Variants in KLHL6 observed in about 807,000 individuals in gnomAD.
KLHL6 encodes the protein kelch-like protein 6.
KLHL6 carries 41 observed loss-of-function variants against 58.6 expected under a neutral mutation model. The observed-to-expected ratio is 0.70, with a 90% CI of 0.55 to 0.91. KLHL6 has a LOEUF of 0.91. KLHL6 is among the 40% of genes least tolerant of loss of function. The probability of loss-of-function intolerance (pLI) is 0.00; values close to 1 mark genes in which losing one functional copy is unlikely to be tolerated. For synonymous variants in KLHL6, 338 were observed against 322.7 expected (o/e 1.05, Z -0.51); for missense variants, 714 against 805.6 (o/e 0.89, Z 1.38).
In KLHL6 at chr3:183,488,290, G is replaced by C. The variant is rs1717454074; in HGVS notation, c.*3637C>G. 6.6e-6 allele frequency: 1 copy of C among 152,236 alleles called. No homozygotes were observed. Among genetic ancestry groups the C allele is most frequent in the South Asian group, 2.1e-4 (1 of 4,834 alleles). The allele number at this position is 152,236 out of a possible 1,614,324, so 9.4% of individuals were successfully genotyped here. A position where few individuals can be genotyped will look rare whatever the true frequency, so the allele number is the denominator to read the frequency against. On this transcript the variant is annotated 3_prime_UTR_variant, in exon 7 of 7. Transcript: ENST00000341319. ...AGGAGACCCAGCTGAGCAGCTCAGA[G>C]GCCCCACAGTAAGTTGGCCCAAATG...
chr3:183,505,271 G>T (rs767529289), intron 3 of KLHL6, among the ~76,000 whole-genome samples: 4 of 152,170 alleles, frequency 2.6e-5, no homozygotes, highest in Non-Finnish European at 4.4e-5. Context: ...GCAGTACCTG[G>T]GTAAGACACA....
intron 2 of KLHL6, chr3:183,521,692 ATTTTTTT>A (rs10556149): frequency 1.7e-4 from 22 of 130,566 alleles, no homozygotes; most frequent in Non-Finnish European, 2.8e-4. Context: ...GACCTACCTG[ATTTTTTT>A]TTTTTTTTTT....
intron 1 of KLHL6, among the ~76,000 whole-genome samples, chr3:183,528,871 G>A (rs568170183): frequency 5.3e-5 from 8 of 152,120 alleles, no homozygotes; most frequent in African/African-American, 1.2e-4. Flanking sequence ...AGCACTATTC[G>A]CAATAGCAAA....
At chr3:183,507,973 GA>G (rs1405259113) in intron 3 of KLHL6, 85 bp downstream of exon 3, 6 of 1,218,936 alleles carry the variant, frequency 4.9e-6, no homozygotes, top group Non-Finnish European at 5.8e-6. Flanking sequence ...AAGGATTTTT[GA>G]ATCCGCTTTG....
intron 1 of KLHL6, among the ~76,000 whole-genome samples, chr3:183,546,679 G>A (rs1381528019): frequency 6.6e-6 from 1 of 152,152 alleles, no homozygotes; most frequent in Non-Finnish European, 1.5e-5. Flanking sequence ...CTGTTTCTCA[G>A]AACCAAGAAA....
In KLHL6 at chr3:183,489,150, C is replaced by T. The variant is rs1326934938; in HGVS notation, c.*2777G>A. Reference sequence around the variant, plus strand: ...ATGGGTCTTATCAAAGGACCGCCATCCCCTCCCTGACTAGGGGCGCTGTCT... The same window carrying T: ...ATGGGTCTTATCAAAGGACCGCCATTCCCTCCCTGACTAGGGGCGCTGTCT... On this transcript the variant is annotated 3_prime_UTR_variant, in exon 7 of 7. Coordinates refer to ENST00000341319, the MANE Select transcript of KLHL6 (RefSeq NM_130446.4). 1.3e-5 allele frequency: 2 copies of T among 152,208 alleles called. No individual in the cohort carries two copies. The highest frequency in any genetic ancestry group is 2.4e-5 in the African/African-American group (1 of 41,456). The allele number at this position is 152,208 out of a possible 1,614,324, so 9.4% of individuals were successfully genotyped here. A position where few individuals can be genotyped will look rare whatever the true frequency, so the allele number is the denominator to read the frequency against.
In KLHL6 at chr3:183,499,591, T is replaced by C; in HGVS notation, c.1146A>G (p.Ser382=). The change falls in exon 4 of 7, where the codon TCA becomes TCG. Residue 382 remains serine (S), a splice_region_variant and synonymous_variant. Coordinates refer to ENST00000341319, the MANE Select transcript of KLHL6 (RefSeq NM_130446.4). This position sits in a 1 kb window ranked among gnomAD's most constrained non-coding sequence, Gnocchi z 4.6. The part of the protein sequence containing the change: ...CVTLKNEVYI[S]GGKETQHDVW... ...TGCCTTTACATGACTCCTGCTTACC[T>C]GAGATGTAGACCTCATTTTTCAATG... 5 of 1,584,844 alleles carry C rather than the reference T, an allele frequency of 3.2e-6. No homozygotes were observed. Among genetic ancestry groups the C allele is most frequent in the Non-Finnish European group, 4.3e-6 (5 of 1,162,448 alleles).
chr3:183,553,526 G>A (rs1408559170), intron 1 of KLHL6, among the ~76,000 whole-genome samples: 3 of 152,214 alleles, frequency 2.0e-5, no homozygotes, highest in African/African-American at 7.2e-5. Flanking sequence ...GAGCTAACTT[G>A]ACTTCACTCA....
intron 1 of KLHL6, among the ~76,000 whole-genome samples, chr3:183,546,949 T>C (rs1712741144): frequency 6.7e-6 from 1 of 150,358 alleles, no homozygotes; most frequent in African/African-American, 2.5e-5. Flanking sequence ...TCTCACTCTG[T>C]CGTCCAGGTT....
chr3:183,496,550 C>CA (rs1037582181), intron 4 of KLHL6, among the ~76,000 whole-genome samples: 1 of 151,554 alleles, frequency 6.6e-6, no homozygotes, highest in Non-Finnish European at 1.5e-5. Flanking sequence ...TTAAGGAGAC[C>CA]AAAAAAAGAA....
chr3:183,538,678 C>G (rs1245068635), intron 1 of KLHL6, among the ~76,000 whole-genome samples: 2 of 152,084 alleles, frequency 1.3e-5, no homozygotes, highest in Non-Finnish European at 2.9e-5. Flanking sequence ...GCAAAGAAAG[C>G]AGGGAGTCAG....
intron 1 of KLHL6, among the ~76,000 whole-genome samples, chr3:183,538,548 T>G (rs1007019910): frequency 6.6e-6 from 1 of 152,256 alleles, no homozygotes; most frequent in Non-Finnish European, 1.5e-5. Context: ...AATGTCCATA[T>G]GTATACAATC....
intron 1 of KLHL6, among the ~76,000 whole-genome samples, chr3:183,542,855 C>CATGG (rs10581731): frequency 0.011 from 1,573 of 143,134 alleles, 10 homozygotes; most frequent in East Asian, 0.037. Flanking sequence ...TGGATGGATA[C>CATGG]ATGGATGGAT....
chr3:183,530,595 G>A (rs1177028497), intron 1 of KLHL6, among the ~76,000 whole-genome samples: 1 of 152,168 alleles, frequency 6.6e-6, no homozygotes, highest in Admixed American at 6.5e-5. Flanking sequence ...AAAAATTAAA[G>A]AGTTGGAAAA....
At chr3:183,528,389 G>T (rs1282406651) in intron 1 of KLHL6, among the ~76,000 whole-genome samples, 1 of 152,180 alleles carries the variant, frequency 6.6e-6, no homozygotes, top group Non-Finnish European at 1.5e-5. Context: ...CTCTCGTTTG[G>T]CCTGGAGCCT....
Position 183,492,711 on chromosome 3 carries a change from T to C in KLHL6, c.1351-4A>G. 6.2e-7 allele frequency: 1 copy of C among 1,612,780 alleles called. No homozygotes were observed. Among genetic ancestry groups the C allele is most frequent in the Non-Finnish European group, 8.5e-7 (1 of 1,179,960 alleles). On this transcript the variant is annotated splice_polypyrimidine_tract_variant and splice_region_variant and intron_variant, in intron 5 of 6. Coordinates refer to ENST00000341319, the MANE Select transcript of KLHL6 (RefSeq NM_130446.4). This position sits in a 1 kb window ranked among gnomAD's most constrained non-coding sequence, Gnocchi z 5.9. ...CATGGACAAGGAGGGGTGCGGCCTG[T>C]AGAGGCACAGGGCACAAGAAGAAGC...
intron 1 of KLHL6, among the ~76,000 whole-genome samples, chr3:183,537,999 A>C (rs576707312): frequency 1.2e-4 from 18 of 152,238 alleles, no homozygotes; most frequent in African/African-American, 4.3e-4. Context: ...GAGTGAATGA[A>C]TGAATCAACC....
chr3:183,499,624 T>C lies in KLHL6; in HGVS notation c.1113A>G (p.Ala371=), dbSNP rs1156359846. ...AGACCTCATTTTTCAATGTCACGCATGCAAACTCCACCCACTTCTTATTCT... is the reference window on the plus strand; with the variant it reads ...AGACCTCATTTTTCAATGTCACGCACGCAAACTCCACCCACTTCTTATTCT... ...ESENKKWVEF[A]CVTLKNEVYI... Residue 371 remains alanine (A), a synonymous_variant, in exon 4 of 7, where the codon GCA becomes GCG. Coordinates refer to ENST00000341319, the MANE Select transcript of KLHL6 (RefSeq NM_130446.4). This position sits in a 1 kb window ranked among gnomAD's most constrained non-coding sequence, Gnocchi z 4.6. 1.9e-6 allele frequency: 3 copies of C among 1,605,294 alleles called. No homozygotes were observed. The highest frequency in any genetic ancestry group is 2.6e-6 in the Non-Finnish European group (3 of 1,175,756).
At chr3:183,493,497 G>C (rs925827315) in intron 5 of KLHL6, 11 of 155,970 alleles carry the variant, frequency 7.1e-5, no homozygotes, top group African/African-American at 2.7e-4. Flanking sequence ...ATCTGATAAG[G>C]AGAAAGAAAA....
Sources: allele counts gnomAD v4.1 joint callset (sites outside exome capture counted in the v4.1 genomes callset), GRCh38; gene constraint gnomAD v4.1.1; non-coding constraint Gnocchi (gnomAD v3.1); transcripts MANE v1.5; gene names NCBI Gene and HGNC (gene_info 2026-07-23, HGNC 2026-07-21).